The following HS3ST4 variants were observed in gnomAD, a reference collection of about 807,000 sequenced individuals.
HS3ST4 encodes the protein heparan sulfate-glucosamine 3-sulfotransferase 4, also known as heparan sulfate glucosamine 3-O-sulfotransferase 4.
HS3ST4 carries 17 observed loss-of-function variants against 29.2 expected under a neutral mutation model. The observed-to-expected ratio is 0.58, with a 90% CI of 0.40 to 0.87. HS3ST4 has a LOEUF of 0.87. HS3ST4 is among the 40% of genes least tolerant of loss of function. The pLI is 0.00. For synonymous variants in HS3ST4, 314 were observed against 285.7 expected, an observed-to-expected ratio of 1.10 and a Z score of -1.00; for missense variants, 627 against 634.5, an observed-to-expected ratio of 0.99 and a Z score of 0.13.
chr16:25,719,232 A>G (rs1451372676), intron 1 of HS3ST4, among the ~76,000 whole-genome samples: 1 of 152,266 alleles, frequency 6.6e-6, no homozygotes, highest in Non-Finnish European at 1.5e-5. Flanking sequence ...TTGCTGGGGC[A>G]AAGGGAGGGA....
chr16:25,786,510 G>A (rs1966857907), intron 1 of HS3ST4, among the ~76,000 whole-genome samples: 1 of 152,178 alleles, frequency 6.6e-6, no homozygotes, highest in Non-Finnish European at 1.5e-5. Flanking sequence ...ATTCTAAAAT[G>A]ATTTGTAACT....
intron 1 of HS3ST4, among the ~76,000 whole-genome samples, chr16:26,120,702 T>C (rs759614373): frequency 6.6e-6 from 1 of 152,218 alleles, no homozygotes; most frequent in Non-Finnish European, 1.5e-5. Flanking sequence ...CCAGGCATGA[T>C]TGACCCCAGC....
At chr16:25,925,025 G>C (rs1968389221) in intron 1 of HS3ST4, among the ~76,000 whole-genome samples, 1 of 152,086 alleles carries the variant, frequency 6.6e-6, no homozygotes, top group South Asian at 2.1e-4. Context: ...CATGGGTAGA[G>C]TAAAGTGGAT....
intron 1 of HS3ST4, among the ~76,000 whole-genome samples, chr16:25,724,664 C>T (rs149069633): frequency 2.6e-5 from 4 of 152,216 alleles, no homozygotes; most frequent in East Asian, 3.9e-4. Flanking sequence ...GCTCGGCCCC[C>T]TCAACTTTTT....
chr16:25,938,919 C>T (rs1011214491), intron 1 of HS3ST4, among the ~76,000 whole-genome samples: 1 of 152,212 alleles, frequency 6.6e-6, no homozygotes, highest in African/African-American at 2.4e-5. Flanking sequence ...TACCCCCTTT[C>T]TCCTGCTAAA....
At chr16:25,878,618 C>G (rs1026849445) in intron 1 of HS3ST4, among the ~76,000 whole-genome samples, 1 of 152,166 alleles carries the variant, frequency 6.6e-6, no homozygotes, top group Admixed American at 6.5e-5. Context: ...GCACCTGCTT[C>G]CCCATTAAGG....
At chr16:25,887,049 C>T (rs1381753114) in intron 1 of HS3ST4, 5 of 151,860 alleles carry the variant, frequency 3.3e-5, no homozygotes, top group South Asian at 4.2e-4. Context: ...TGTTTTGCTT[C>T]GTGGGATATA....
intron 1 of HS3ST4, among the ~76,000 whole-genome samples, chr16:25,815,835 G>C (rs9926594): frequency 6.6e-6 from 1 of 152,050 alleles, no homozygotes; most frequent in African/African-American, 2.4e-5. Context: ...CCTCCACTCA[G>C]CTCCAGCCTC....
At chr16:26,068,980 G>A (rs974677723) in intron 1 of HS3ST4, among the ~76,000 whole-genome samples, 2 of 152,152 alleles carry the variant, frequency 1.3e-5, no homozygotes, top group African/African-American at 4.8e-5. Flanking sequence ...GAGACGGGGT[G>A]TTGCTCTGTC....
At chr16:25,890,904 C>T (rs1020024578) in intron 1 of HS3ST4, among the ~76,000 whole-genome samples, 1 of 152,118 alleles carries the variant, frequency 6.6e-6, no homozygotes, top group Non-Finnish European at 1.5e-5. Context: ...CGGATCAGCT[C>T]CATTTCTGAG....
At chr16:25,720,712 A>G (rs184652316) in intron 1 of HS3ST4, among the ~76,000 whole-genome samples, 2 of 152,354 alleles carry the variant, frequency 1.3e-5, no homozygotes, top group African/African-American at 4.8e-5. Context: ...TTGGAAGATT[A>G]TGTCTGGGTT....
At chr16:25,855,243 G>A (rs2141651602) in intron 1 of HS3ST4, among the ~76,000 whole-genome samples, 1 of 152,220 alleles carries the variant, frequency 6.6e-6, no homozygotes, top group Non-Finnish European at 1.5e-5. Flanking sequence ...GGATGGGTGT[G>A]GAAGTCAAAG....
chr16:26,001,606 C>A (rs3923856), intron 1 of HS3ST4, among the ~76,000 whole-genome samples: 1,756 of 152,148 alleles, frequency 0.012, 31 homozygotes, highest in African/African-American at 0.04. Flanking sequence ...AAAGACACTG[C>A]AATTAATATA....
At chr16:25,832,736 A>G (rs936331448) in intron 1 of HS3ST4, among the ~76,000 whole-genome samples, 1 of 152,240 alleles carries the variant, frequency 6.6e-6, no homozygotes, top group African/African-American at 2.4e-5. Flanking sequence ...TTTGTCAAAC[A>G]AAAAGTACTG....
At position 25,790,581 on chromosome 16, in the gene HS3ST4, C is replaced by T. The variant is rs989404552; in HGVS notation, c.734+97430C>T. ...ATTGTCAATTGTTTTAATTTTTTAG[C>T]TTTTCCAGTGGTTGTAGTATATCAT... On this transcript the variant is annotated intron_variant, in intron 1 of 1. Transcript: ENST00000331351. Among the ~76,000 whole-genome samples, 8 of 152,254 alleles carry T rather than the reference C, an allele frequency of 5.3e-5. No homozygotes were observed. In the South Asian group the frequency reaches 1.7e-3, roughly 32 times the overall value.
chr16:26,070,122 G>A (rs972349775), intron 1 of HS3ST4, among the ~76,000 whole-genome samples: 28 of 152,132 alleles, frequency 1.8e-4, no homozygotes, highest in Non-Finnish European at 2.4e-4. Context: ...GATCCCTGAG[G>A]AATTGCCACA....
chr16:25,957,564 TA>T, intron 1 of HS3ST4, among the ~76,000 whole-genome samples: 1 of 152,142 alleles, frequency 6.6e-6, no homozygotes, highest in African/African-American at 2.4e-5. Context: ...ATTATAGGCA[TA>T]GGCCACCACT....
intron 1 of HS3ST4, among the ~76,000 whole-genome samples, chr16:25,964,514 A>G (rs957149035): frequency 6.6e-6 from 1 of 152,204 alleles, no homozygotes; most frequent in Non-Finnish European, 1.5e-5. Context: ...GGGCAACCCT[A>G]TAAGGTAGGT....
intron 1 of HS3ST4, among the ~76,000 whole-genome samples, chr16:25,792,090 A>G (rs899762504): frequency 6.6e-6 from 1 of 151,964 alleles, no homozygotes; most frequent in African/African-American, 2.4e-5. Context: ...TATCATTTTT[A>G]TGGATCTGTT....
Sources: allele counts gnomAD v4.1 joint callset (sites outside exome capture counted in the v4.1 genomes callset), GRCh38; gene constraint gnomAD v4.1.1; transcripts MANE v1.5; gene names NCBI Gene and HGNC (gene_info 2026-07-23, HGNC 2026-07-21).